PSTPIP1: variants seen among roughly 807,000 people sequenced by gnomAD.
PSTPIP1 encodes the protein proline-serine-threonine phosphatase interacting protein 1.
PSTPIP1 carries 66 observed loss-of-function variants against 69.6 expected under a neutral mutation model. The observed-to-expected ratio is 0.95, with a 90% CI of 0.78 to 1.16. The LOEUF is 1.16. Ranked by LOEUF, PSTPIP1 falls within the 50% of genes most tolerant of loss-of-function variation. The pLI is 0.00. For missense variants in PSTPIP1, 603 were observed against 557.4 expected, an observed-to-expected ratio of 1.08 and a Z score of -0.82; for synonymous variants, 266 against 222.7, an observed-to-expected ratio of 1.19 and a Z score of -1.73.
chr15:77,013,710 CT>C (rs1332572473), intron 1 of PSTPIP1, among the ~76,000 whole-genome samples: 5 of 152,176 alleles, frequency 3.3e-5, no homozygotes, highest in African/African-American at 1.2e-4. Context: ...TCCTGGCTAC[CT>C]TCCACGGCCC....
At chr15:77,026,926 A>G (rs1230333203) in intron 5 of PSTPIP1, among the ~76,000 whole-genome samples, 3 of 152,246 alleles carry the variant, frequency 2.0e-5, no homozygotes, top group Non-Finnish European at 2.9e-5. Flanking sequence ...TCTTTCTCCA[A>G]GTGGCCAGGG....
At chr15:77,028,247 AG>A (rs940799138) in intron 6 of PSTPIP1, 1 of 497,086 alleles carries the variant, frequency 2.0e-6, no homozygotes, top group African/African-American at 2.0e-5. Context: ...GGCTCCTAAG[AG>A]GGCGCGGCGT....
intron 3 of PSTPIP1, among the ~76,000 whole-genome samples, chr15:77,021,916 G>C (rs996726389): frequency 6.6e-5 from 10 of 152,300 alleles, no homozygotes; most frequent in Non-Finnish European, 1.2e-4. Context: ...GTCAGGTAAG[G>C]TGCTGGGGGT....
chr15:77,023,403 G>C (rs940950554), intron 3 of PSTPIP1, among the ~76,000 whole-genome samples: 4 of 152,246 alleles, frequency 2.6e-5, no homozygotes, highest in African/African-American at 4.8e-5. Context: ...CGGAGGGGCA[G>C]AGAGCAGGGC....
In PSTPIP1 at chr15:77,000,500, CACAT is replaced by C. The variant is rs747547040; in HGVS notation, c.36+4895_36+4898del. 1.5e-3 allele frequency among the ~76,000 whole-genome samples: 221 copies of C among 149,466 alleles called. 2 individuals are homozygous for C. The Middle Eastern group carries it at 0.024, about 16-fold the overall frequency. On this transcript the variant is annotated intron_variant, in intron 1 of 14. Transcript: ENST00000558012. ...ATACACACACACACACACACACACA[CACAT>C]ACACACACACACTTTCTAAAGAAAC... is the stretch of plus-strand genomic sequence containing the variant.
rs377437961 is a variant in PSTPIP1 at position 77,032,879 on chromosome 15, A to C, written c.856A>C (p.Asn286His). Residue 286 changes from asparagine (N) to histidine (H), a missense_variant, in exon 12 of 15, where the codon AAC (asparagine) becomes CAC (histidine). By Grantham distance (68) the Asn-to-His change is moderately conservative. Coordinates refer to ENST00000558012, the MANE Select transcript of PSTPIP1 (RefSeq NM_003978.5). ...GTCTGCAGCTCCGGTGCCCTACCAGAACTATTACGATCGGGAGGTCACCCC... is the reference window on the plus strand; with the variant it reads ...GTCTGCAGCTCCGGTGCCCTACCAGCACTATTACGATCGGGAGGTCACCCC... Reference protein sequence around the residue: ...TEPPAPVPYQNYYDREVTPLT... With the variant: ...TEPPAPVPYQHYYDREVTPLT... 1 of 1,596,406 alleles carries C rather than the reference A, an allele frequency of 6.3e-7. No individual in the cohort carries two copies. The highest frequency in any genetic ancestry group is 1.7e-5 in the Admixed American group (1 of 58,132).
At chr15:77,036,066 A>G in intron 14 of PSTPIP1, 131 bp downstream of exon 14, 1 of 1,268,900 alleles carries the variant, frequency 7.9e-7, no homozygotes, top group Non-Finnish European at 1.1e-6. Flanking sequence ...TCTCCTCCTC[A>G]GGAGGGCACG....
intron 5 of PSTPIP1, among the ~76,000 whole-genome samples, chr15:77,026,951 C>T (rs533171772): frequency 1.2e-4 from 18 of 152,218 alleles, no homozygotes; most frequent in South Asian, 4.1e-4. Flanking sequence ...GCAGGCAGAG[C>T]GCTGTGTTGT....
chr15:77,019,711 C>T (rs1313976063), intron 3 of PSTPIP1, among the ~76,000 whole-genome samples: 1 of 152,224 alleles, frequency 6.6e-6, no homozygotes, highest in Non-Finnish European at 1.5e-5. Flanking sequence ...TGCAAATCAA[C>T]AAGAACATGG....
intron 12 of PSTPIP1, among the ~76,000 whole-genome samples, 185 bp downstream of exon 12, chr15:77,033,137 G>A (rs1197971417): frequency 1.3e-5 from 2 of 152,180 alleles, no homozygotes; most frequent in African/African-American, 2.4e-5. Flanking sequence ...GGAACCCTCA[G>A]CCCAAGGGAC....
intron 1 of PSTPIP1, among the ~76,000 whole-genome samples, chr15:77,000,479 A>ATATATATATATATATATATATATG (rs1568482008): frequency 5.4e-5 from 8 of 148,856 alleles, no homozygotes; most frequent in African/African-American, 2.0e-4. Flanking sequence ...ATATATATAC[A>ATATATATATATATATATATATATG]CACACACACA....
At chr15:77,029,660 A>G in intron 8 of PSTPIP1, 86 bp downstream of exon 8, 1 of 1,396,770 alleles carries the variant, frequency 7.2e-7, no homozygotes. Flanking sequence ...GGGGACACAC[A>G]CACTCCCCCT....
At chr15:77,010,085 C>T (rs2075902698) in intron 1 of PSTPIP1, among the ~76,000 whole-genome samples, 1 of 152,160 alleles carries the variant, frequency 6.6e-6, no homozygotes, top group African/African-American at 2.4e-5. Context: ...CTCCATCCTC[C>T]CCTGCATCAG....
chr15:77,013,574 G>A (rs186109649), intron 1 of PSTPIP1, among the ~76,000 whole-genome samples: 11 of 152,242 alleles, frequency 7.2e-5, no homozygotes, highest in Middle Eastern at 3.4e-3. Flanking sequence ...TGACCACTCC[G>A]TTCCCTACAG....
rs1240711966 is a variant in PSTPIP1 at position 77,027,389 on chromosome 15, G to A, written c.355-463G>A. ...ACTGTGGGAGTGTGTACTTGTGAGT[G>A]GCATCTGTGGGTGTGCACAGGAATG... On this transcript the variant is annotated intron_variant, in intron 5 of 14. Transcript: ENST00000558012. This position sits in a 1 kb window ranked among gnomAD's most constrained non-coding sequence, Gnocchi z 4.3. 6.6e-6 allele frequency among the ~76,000 whole-genome samples: 1 copy of A among 152,148 alleles called. No homozygotes were observed. The highest frequency in any genetic ancestry group is 2.4e-5 in the African/African-American group (1 of 41,426).
At chr15:77,023,579 A>C (rs1596099578) in intron 3 of PSTPIP1, 1 of 152,706 alleles carries the variant, frequency 6.5e-6, no homozygotes, top group East Asian at 1.9e-4. Context: ...GCTGGTGGAC[A>C]GTGGTGTCTT....
At chr15:76,997,583 A>C (rs1450262167) in intron 1 of PSTPIP1, among the ~76,000 whole-genome samples, 1 of 152,232 alleles carries the variant, frequency 6.6e-6, no homozygotes, top group African/African-American at 2.4e-5. Context: ...AGATATTAAG[A>C]GACTTGCGCA....
chr15:77,000,476 T>TATACAC (rs1033258180), intron 1 of PSTPIP1, among the ~76,000 whole-genome samples: 56 of 146,884 alleles, frequency 3.8e-4, no homozygotes, highest in Admixed American at 1.3e-3. Flanking sequence ...TATATATATA[T>TATACAC]ACACACACAC....
intron 12 of PSTPIP1, among the ~76,000 whole-genome samples, chr15:77,034,500 C>A (rs760732868): frequency 6.6e-6 from 1 of 151,580 alleles, no homozygotes; most frequent in Non-Finnish European, 1.5e-5. Flanking sequence ...GCCCCTGAGT[C>A]ATGGCTCAGC....
Sources: allele counts gnomAD v4.1 joint callset (sites outside exome capture counted in the v4.1 genomes callset), GRCh38; gene constraint gnomAD v4.1.1; non-coding constraint Gnocchi (gnomAD v3.1); transcripts MANE v1.5; gene names NCBI Gene and HGNC (gene_info 2026-07-23, HGNC 2026-07-21).